ERBB4: variants seen among roughly 807,000 people sequenced by gnomAD.
ERBB4 encodes the protein receptor tyrosine-protein kinase erbB-4.
ERBB4 carries 42 observed loss-of-function variants against 158.0 expected under a neutral mutation model. The ratio of observed to expected loss-of-function variants is 0.27; its 90% CI spans 0.21 to 0.34. The LOEUF (loss-of-function observed/expected upper bound fraction) is 0.34, where lower values mean the gene tolerates loss of function less well. ERBB4 is among the 10% of genes least tolerant of loss of function. The probability of loss-of-function intolerance (pLI) is 1.00; values close to 1 mark genes in which losing one functional copy is unlikely to be tolerated. For synonymous variants in ERBB4, 583 were observed against 558.7 expected (o/e 1.04, Z -0.61); for missense variants, 1,333 against 1,624.1 (o/e 0.82, Z 3.08).
At chr2:211,791,405 C>T (rs372161268) in intron 3 of ERBB4, among the ~76,000 whole-genome samples, 32 of 151,894 alleles carry the variant, frequency 2.1e-4, no homozygotes, top group African/African-American at 7.7e-4. Context: ...TTTCCCCCCA[C>T]TAACATGAAA....
intron 1 of ERBB4, among the ~76,000 whole-genome samples, chr2:212,149,736 T>A (rs2125625430): frequency 6.6e-6 from 1 of 152,338 alleles, no homozygotes; most frequent in African/African-American, 2.4e-5. Flanking sequence ...TCATTCTTTC[T>A]TTTTCATTCA....
chr2:211,516,477 G>A (rs534974303), intron 20 of ERBB4, among the ~76,000 whole-genome samples: 1 of 151,834 alleles, frequency 6.6e-6, no homozygotes, highest in South Asian at 2.1e-4. Flanking sequence ...TGGATTATAG[G>A]CGTGCGCCAC....
chr2:211,436,348 G>C (rs1253616003), intron 20 of ERBB4, among the ~76,000 whole-genome samples: 2 of 152,084 alleles, frequency 1.3e-5, no homozygotes, highest in African/African-American at 4.8e-5. Context: ...TGGTAGAGTG[G>C]GTAGGAGTGT....
intron 1 of ERBB4, among the ~76,000 whole-genome samples, chr2:212,172,376 G>A (rs1307805788): frequency 6.6e-6 from 1 of 152,080 alleles, no homozygotes; most frequent in Non-Finnish European, 1.5e-5. Flanking sequence ...AAGACCTAGA[G>A]GCAGAAATAC....
chr2:212,463,441 C>A (rs963249851), intron 1 of ERBB4, among the ~76,000 whole-genome samples: 1 of 151,950 alleles, frequency 6.6e-6, no homozygotes. Context: ...TAAGATATAT[C>A]TATCTACCAT....
At chr2:211,673,964 C>A (rs1478361346) in intron 13 of ERBB4, among the ~76,000 whole-genome samples, 2 of 152,058 alleles carry the variant, frequency 1.3e-5, no homozygotes, top group Non-Finnish European at 2.9e-5. Flanking sequence ...TAATTGAAAT[C>A]TCCTGGGATG....
chr2:211,987,496 G>C (rs1249898700), intron 2 of ERBB4, among the ~76,000 whole-genome samples: 1 of 151,646 alleles, frequency 6.6e-6, no homozygotes, highest in African/African-American at 2.4e-5. Flanking sequence ...GAATCTTAAA[G>C]AAAAAAAGGA....
intron 3 of ERBB4, among the ~76,000 whole-genome samples, chr2:211,945,071 T>C (rs1488523862): frequency 6.6e-6 from 1 of 152,128 alleles, no homozygotes; most frequent in African/African-American, 2.4e-5. Context: ...ATAAAACAAA[T>C]ATTTTTCCGA....
At chr2:211,914,849 T>C (rs1180141721) in intron 3 of ERBB4, among the ~76,000 whole-genome samples, 1 of 152,128 alleles carries the variant, frequency 6.6e-6, no homozygotes, top group Non-Finnish European at 1.5e-5. Flanking sequence ...TTGATATTAT[T>C]ACTATGTATA....
At chr2:212,094,190 G>A (rs184707985) in intron 2 of ERBB4, among the ~76,000 whole-genome samples, 7 of 151,728 alleles carry the variant, frequency 4.6e-5, no homozygotes, top group South Asian at 2.1e-4. Context: ...CTTGGTGCCC[G>A]CCCTGTGGTC....
At position 212,441,278 on chromosome 2, in the gene ERBB4, T is replaced by C. The variant is rs185044541; in HGVS notation, c.82+97171A>G. Reference sequence around the variant, plus strand: ...ACCCATGCTGTCATCAGCTTTTCCATCTTTGTCTGAGGAGATAAACCCTGT... The same window carrying C: ...ACCCATGCTGTCATCAGCTTTTCCACCTTTGTCTGAGGAGATAAACCCTGT... On this transcript the variant is annotated intron_variant, in intron 1 of 27. Coordinates refer to ENST00000342788, the MANE Select transcript of ERBB4 (RefSeq NM_005235.3). 4.0e-3 allele frequency among the ~76,000 whole-genome samples: 602 copies of C among 152,298 alleles called. 6 individuals carry two copies. The highest frequency in any genetic ancestry group is 0.014 in the African/African-American group (573 of 41,566).
chr2:212,444,566 G>A (rs2092313743), intron 1 of ERBB4, among the ~76,000 whole-genome samples: 1 of 152,192 alleles, frequency 6.6e-6, no homozygotes, highest in African/African-American at 2.4e-5. Flanking sequence ...CTCAGCAGAG[G>A]AGGATTTTAA....
chr2:211,583,595 C>A (rs902864469), intron 19 of ERBB4, among the ~76,000 whole-genome samples: 2 of 151,018 alleles, frequency 1.3e-5, no homozygotes, highest in East Asian at 1.9e-4. Context: ...CAACAATATA[C>A]CTATTAAAAA....
intron 1 of ERBB4, among the ~76,000 whole-genome samples, chr2:212,233,377 T>C (rs1341108708): frequency 6.6e-6 from 1 of 152,140 alleles, no homozygotes; most frequent in Non-Finnish European, 1.5e-5. Flanking sequence ...TTGAAAGCTT[T>C]CCTATAACAC....
intron 2 of ERBB4, among the ~76,000 whole-genome samples, chr2:211,951,339 A>T (rs1246546201): frequency 6.6e-6 from 1 of 152,148 alleles, no homozygotes; most frequent in African/African-American, 2.4e-5. Context: ...GTCACTTGGC[A>T]TGGCATTTGG....
At chr2:212,103,052 A>G (rs754248634) in intron 2 of ERBB4, among the ~76,000 whole-genome samples, 5 of 152,030 alleles carry the variant, frequency 3.3e-5, no homozygotes, top group Non-Finnish European at 5.9e-5. Flanking sequence ...CCATCAATCC[A>G]TCTCTCCATC....
chr2:212,157,548 G>A (rs1189753282), intron 1 of ERBB4, among the ~76,000 whole-genome samples: 4 of 151,760 alleles, frequency 2.6e-5, no homozygotes, highest in African/African-American at 9.7e-5. Context: ...ACATATTACT[G>A]TTCAAAGGAA....
chr2:212,403,647 C>T (rs1312031291), intron 1 of ERBB4, among the ~76,000 whole-genome samples: 2 of 151,824 alleles, frequency 1.3e-5, no homozygotes, highest in African/African-American at 2.4e-5. Context: ...ACAAATACTG[C>T]GTGGGACAAT....
intron 3 of ERBB4, among the ~76,000 whole-genome samples, chr2:211,939,390 ATTT>A (rs550998240): frequency 6.8e-6 from 1 of 146,752 alleles, no homozygotes; most frequent in Non-Finnish European, 1.5e-5. Flanking sequence ...TCTGAAACAG[ATTT>A]TTTTTTTTTT....
Sources: allele counts gnomAD v4.1 joint callset (sites outside exome capture counted in the v4.1 genomes callset), GRCh38; gene constraint gnomAD v4.1.1; transcripts MANE v1.5; gene names NCBI Gene and HGNC (gene_info 2026-07-23, HGNC 2026-07-21).